The following COMMD1 variants were observed in gnomAD, a reference collection of about 807,000 sequenced individuals.
COMMD1 encodes the protein COMM domain-containing protein 1.
Under a neutral mutation model 17.2 loss-of-function variants are expected in COMMD1, and 10 were observed. The observed-to-expected ratio is 0.58, with a 90% CI of 0.36 to 0.99. The LOEUF is 0.99. Among genes scored for constraint, COMMD1 ranks in the 50% least tolerant of loss-of-function variants. The pLI is 0.01. For missense variants in COMMD1, 270 were observed against 231.8 expected (o/e 1.17, Z -1.07); for synonymous variants, 97 against 91.6 (o/e 1.06, Z -0.34).
At chr2:62,003,431 C>T (rs1398337684) in intron 2 of COMMD1, among the ~76,000 whole-genome samples, 8 of 151,658 alleles carry the variant, frequency 5.3e-5, no homozygotes, top group Non-Finnish European at 1.2e-4. Context: ...ATCCCAGCTA[C>T]TGGGGAGTCT....
At chr2:62,073,784 T>C (rs1023014343) in intron 2 of COMMD1, among the ~76,000 whole-genome samples, 8 of 152,120 alleles carry the variant, frequency 5.3e-5, no homozygotes, top group Non-Finnish European at 8.8e-5. Context: ...CTGCAACCTC[T>C]GCTTCCTGGG....
intron 2 of COMMD1, among the ~76,000 whole-genome samples, chr2:62,010,344 C>T (rs145692494): frequency 6.6e-6 from 1 of 152,090 alleles, no homozygotes; most frequent in Non-Finnish European, 1.5e-5. Flanking sequence ...TTCTAATCCT[C>T]ACAACATCTA....
At chr2:62,041,160 G>A (rs1057210840) in intron 2 of COMMD1, among the ~76,000 whole-genome samples, 3 of 152,168 alleles carry the variant, frequency 2.0e-5, no homozygotes, top group Admixed American at 6.5e-5. Flanking sequence ...ATTACATTTA[G>A]TCAGTAGATG....
At position 62,103,896 on chromosome 2, in the gene COMMD1, A is replaced by G. The variant is rs182209189; in HGVS notation, c.463-31935A>G. On this transcript the variant is annotated intron_variant, in intron 2 of 2. Transcript: ENST00000311832. ...GGCTCTCTCACCCACGCTGGAGTGC[A>G]GTGGCATGATCTCGGCTTACTGCGA... 4.4e-3 allele frequency among the ~76,000 whole-genome samples: 664 copies of G among 152,128 alleles called. 3 individuals carry two copies. Among genetic ancestry groups the G allele is most frequent in the Admixed American group, 0.02 (307 of 15,280 alleles).
intron 2 of COMMD1, among the ~76,000 whole-genome samples, chr2:62,083,761 T>C (rs908920520): frequency 6.6e-6 from 1 of 152,240 alleles, no homozygotes; most frequent in African/African-American, 2.4e-5. Flanking sequence ...GAGAGATTTT[T>C]AGAGGATAGA....
chr2:61,920,911 A>G (rs919599692), intron 1 of COMMD1, among the ~76,000 whole-genome samples: 2 of 150,042 alleles, frequency 1.3e-5, no homozygotes, highest in Admixed American at 1.3e-4. Flanking sequence ...GTGTGTATAT[A>G]TATGTATGTG....
intron 2 of COMMD1, among the ~76,000 whole-genome samples, chr2:62,012,438 C>T (rs923701619): frequency 2.0e-5 from 3 of 151,692 alleles, no homozygotes; most frequent in African/African-American, 7.3e-5. Flanking sequence ...CCTGCCTCAG[C>T]CTCCTGAGTA....
At chr2:61,893,343 G>A (rs1208060611) in intron 1 of COMMD1, among the ~76,000 whole-genome samples, 5 of 151,570 alleles carry the variant, frequency 3.3e-5, no homozygotes, top group Admixed American at 3.3e-4. Flanking sequence ...TTGATTGTTG[G>A]CAATAGTAAA....
At chr2:61,908,185 C>G (rs567074847) in intron 1 of COMMD1, among the ~76,000 whole-genome samples, 2 of 151,162 alleles carry the variant, frequency 1.3e-5, no homozygotes, top group Admixed American at 1.3e-4. Flanking sequence ...GGGCTGAAAC[C>G]GTGGGCTCAG....
chr2:61,939,168 G>T (rs1670673591), intron 1 of COMMD1, among the ~76,000 whole-genome samples: 1 of 151,786 alleles, frequency 6.6e-6, no homozygotes, highest in Admixed American at 6.6e-5. Context: ...GAATTGATTG[G>T]CTTGGCCGGG....
intron 2 of COMMD1, 89 bp downstream of exon 2, chr2:62,001,071 C>T (rs946391659): frequency 8.1e-7 from 1 of 1,227,180 alleles, no homozygotes; most frequent in Non-Finnish European, 1.2e-6. Context: ...TATGCAATAA[C>T]AGCAACAGGA....
chr2:62,018,576 T>C (rs1448975783), intron 2 of COMMD1, among the ~76,000 whole-genome samples: 2 of 152,208 alleles, frequency 1.3e-5, no homozygotes, highest in African/African-American at 2.4e-5. Flanking sequence ...TCCGGCTTTA[T>C]TGGGATATAG....
chr2:61,988,347 AGGGCTGAAAG>A (rs1672158825), intron 1 of COMMD1, among the ~76,000 whole-genome samples: 1 of 152,180 alleles, frequency 6.6e-6, no homozygotes, highest in African/African-American at 2.4e-5. Flanking sequence ...CTGATTATTC[AGGGCTGAAAG>A]GCCCTTTAGT....
At chr2:62,106,712 C>T (rs557360381) in intron 2 of COMMD1, among the ~76,000 whole-genome samples, 38 of 152,128 alleles carry the variant, frequency 2.5e-4, no homozygotes, top group Middle Eastern at 3.4e-3. Context: ...AAACAGAGGT[C>T]GCATAGAATT....
upstream of COMMD1, among the ~76,000 whole-genome samples, chr2:61,902,079 C>T (rs538877150): frequency 3.3e-5 from 5 of 152,122 alleles, no homozygotes; most frequent in South Asian, 1.0e-3. Context: ...GATCCACCCA[C>T]CTTGGCCTCC....
At chr2:62,061,174 G>A (rs66522432) in intron 2 of COMMD1, among the ~76,000 whole-genome samples, 13,131 of 151,848 alleles carry the variant, frequency 0.086, 742 homozygotes, top group Non-Finnish European at 0.12. Flanking sequence ...TTCTAATTCC[G>A]ACACCTAGGT....
At chr2:61,906,290 A>C (rs1036083925) in intron 1 of COMMD1, among the ~76,000 whole-genome samples, 1 of 152,240 alleles carries the variant, frequency 6.6e-6, no homozygotes, top group East Asian at 1.9e-4. Flanking sequence ...ACATCTGTCA[A>C]GCAGTCCACT....
intron 2 of COMMD1, among the ~76,000 whole-genome samples, chr2:62,080,785 A>AT (rs55825411): frequency 9.6e-4 from 138 of 143,634 alleles, no homozygotes; most frequent in African/African-American, 3.0e-3. Flanking sequence ...GATAGTTGGA[A>AT]TTTTTTTTTT....
At chr2:61,919,444 T>G (rs1456329560) in intron 1 of COMMD1, among the ~76,000 whole-genome samples, 1 of 151,656 alleles carries the variant, frequency 6.6e-6, no homozygotes, top group Non-Finnish European at 1.5e-5. Context: ...GCCTCTCAAG[T>G]AGCTGAGACT....
Sources: gnomAD v4.1 joint callset for allele counts (sites outside exome capture counted in the v4.1 genomes callset) on GRCh38, gnomAD v4.1.1 for gene constraint, MANE v1.5 for transcripts, NCBI Gene and HGNC (gene_info 2026-07-23, HGNC 2026-07-21) for gene names.